The following PAK5 variants were observed in gnomAD, a reference collection of about 807,000 sequenced individuals.
The protein encoded by PAK5 is serine/threonine-protein kinase PAK 5.
PAK5 carries 16 observed loss-of-function variants against 65.9 expected under a neutral mutation model. The ratio of observed to expected loss-of-function variants is 0.24; its 90% confidence interval spans 0.16 to 0.37. The LOEUF is 0.37. Ranked by LOEUF, PAK5 falls within the 10% of genes least tolerant of loss-of-function variation. The pLI is 1.00. For missense variants in PAK5, 785 were observed against 903.9 expected (o/e 0.87, Z 1.69); for synonymous variants, 371 against 354.9 (o/e 1.05, Z -0.51).
rs367902677 is a variant in PAK5, at chr20:9,632,882, A to C, written c.204+11243T>G. ...ACAGTGATGTGGTGATTACAAGCCC[A>C]GGTCTTGGAGTCAGATAGGTATAAG... On this transcript the variant is annotated intron_variant, in intron 3 of 9. Transcript: ENST00000353224. 3.7e-4 allele frequency among the ~76,000 whole-genome samples: 56 copies of C among 152,358 alleles called. No individual in the cohort carries two copies. In the South Asian group the frequency reaches 0.012, roughly 32 times the overall value.
At chr20:9,547,636 G>A (rs147188572) in intron 7 of PAK5, among the ~76,000 whole-genome samples, 11 of 152,298 alleles carry the variant, frequency 7.2e-5, no homozygotes, top group Non-Finnish European at 1.5e-4. Flanking sequence ...AGTTCCCAGA[G>A]TGGTAGATGT....
intron 4 of PAK5, chr20:9,577,542 C>T (rs2045907580): frequency 6.6e-6 from 1 of 152,274 alleles, no homozygotes; most frequent in Non-Finnish European, 1.5e-5. Context: ...AAGGCCGACT[C>T]ATCTGAGTCG....
intron 3 of PAK5, among the ~76,000 whole-genome samples, chr20:9,625,024 T>C (rs2046823666): frequency 6.6e-6 from 1 of 152,144 alleles, no homozygotes; most frequent in South Asian, 2.1e-4. Flanking sequence ...CAAGTAGCCA[T>C]TCATGAAGGT....
chr20:9,801,921 A>T (rs535098917), intron 1 of PAK5, among the ~76,000 whole-genome samples: 1 of 152,160 alleles, frequency 6.6e-6, no homozygotes, highest in Non-Finnish European at 1.5e-5. Flanking sequence ...AGTGAGAGAC[A>T]TGGGGACTAA....
chr20:9,645,194 A>T (rs1399087197), intron 2 of PAK5, among the ~76,000 whole-genome samples: 1 of 151,792 alleles, frequency 6.6e-6, no homozygotes, highest in East Asian at 1.9e-4. Context: ...AGGGAGGAAG[A>T]CTCACTTTTC....
intron 1 of PAK5, among the ~76,000 whole-genome samples, chr20:9,803,991 C>T (rs1240077689): frequency 6.6e-6 from 1 of 152,148 alleles, no homozygotes; most frequent in Admixed American, 6.5e-5. Flanking sequence ...CTAGTGATTC[C>T]TCCAGAGGCC....
At chr20:9,547,877 A>T (rs2045368479) in intron 7 of PAK5, among the ~76,000 whole-genome samples, 1 of 152,202 alleles carries the variant, frequency 6.6e-6, no homozygotes, top group Non-Finnish European at 1.5e-5. Context: ...TGGTATACAC[A>T]TTATAGCTTG....
Position 9,580,576 on chromosome 20 carries a change from G to T in PAK5, c.559C>A (p.Pro187Thr), listed in dbSNP as rs34280805. 2.5e-6 allele frequency: 4 copies of T among 1,614,032 alleles called. No homozygotes were observed. Among genetic ancestry groups the T allele is most frequent in the Middle Eastern group, 3.3e-4 (2 of 6,062 alleles). ...HGEAYYSEVK[P>T]LKSDFARFSA... is the part of the protein sequence containing the mutation. ...AATCTGGCAAAATCGGATTTCAAAG[G>T]CTTCACCTCAGAATAGTAGGCCTCC... The change falls in exon 4 of 10, where the codon CCT becomes ACT. Residue 187 changes from proline to threonine, a missense_variant. Physicochemically the swap from Pro to Thr is conservative, Grantham distance 38. Transcript: ENST00000353224.
At chr20:9,824,036 T>C (rs2049456174) in intron 1 of PAK5, among the ~76,000 whole-genome samples, 1 of 152,208 alleles carries the variant, frequency 6.6e-6, no homozygotes, top group African/African-American at 2.4e-5. Context: ...TTACAAAACA[T>C]ATAACACAAT....
chr20:9,609,507 C>T (rs1044032413), intron 3 of PAK5, among the ~76,000 whole-genome samples: 1 of 152,206 alleles, frequency 6.6e-6, no homozygotes, highest in Non-Finnish European at 1.5e-5. Context: ...CAAACTCTTC[C>T]TTTCCTTCTG....
At chr20:9,785,134 C>G (rs777522380) in intron 1 of PAK5, among the ~76,000 whole-genome samples, 6 of 151,996 alleles carry the variant, frequency 3.9e-5, no homozygotes, top group Non-Finnish European at 8.8e-5. Flanking sequence ...GGCTATTTTT[C>G]TGGTCTATAG....
At chr20:9,778,132 G>A (rs1474129238) in intron 1 of PAK5, among the ~76,000 whole-genome samples, 1 of 152,084 alleles carries the variant, frequency 6.6e-6, no homozygotes, top group Non-Finnish European at 1.5e-5. Flanking sequence ...ATTGATTTGG[G>A]TCTTGAGTCT....
chr20:9,714,710 G>A (rs2048121255), intron 1 of PAK5, among the ~76,000 whole-genome samples: 1 of 152,044 alleles, frequency 6.6e-6, no homozygotes. Context: ...TAGACCAATG[G>A]AACAGAACAG....
intron 1 of PAK5, among the ~76,000 whole-genome samples, chr20:9,826,000 A>T (rs1350896932): frequency 6.6e-6 from 1 of 152,200 alleles, no homozygotes; most frequent in Non-Finnish European, 1.5e-5. Context: ...AAATGGCCTG[A>T]TTACAGGCAG....
At chr20:9,591,055 A>G (rs553268234) in intron 3 of PAK5, among the ~76,000 whole-genome samples, 2 of 152,318 alleles carry the variant, frequency 1.3e-5, no homozygotes, top group Admixed American at 1.3e-4. Flanking sequence ...TTGGTTTAAT[A>G]AGAGTTTCTA....
chr20:9,776,591 T>G (rs897148037), intron 1 of PAK5, among the ~76,000 whole-genome samples: 1 of 152,200 alleles, frequency 6.6e-6, no homozygotes, highest in African/African-American at 2.4e-5. Flanking sequence ...GTCTAACACA[T>G]GTGACTTTCT....
chr20:9,669,432 C>T (rs560128695), intron 2 of PAK5, among the ~76,000 whole-genome samples: 1 of 152,152 alleles, frequency 6.6e-6, no homozygotes, highest in African/African-American at 2.4e-5. Flanking sequence ...TTCACATATG[C>T]CTTTTCTTCT....
intron 4 of PAK5, among the ~76,000 whole-genome samples, chr20:9,579,156 G>T (rs578196935): frequency 6.6e-6 from 1 of 152,290 alleles, no homozygotes; most frequent in East Asian, 1.9e-4. Context: ...TTTCTGTGCT[G>T]CTCACCAAAC....
chr20:9,709,017 T>C (rs2048044835), intron 2 of PAK5, among the ~76,000 whole-genome samples: 1 of 152,182 alleles, frequency 6.6e-6, no homozygotes, highest in Non-Finnish European at 1.5e-5. Context: ...TGTTTCACTC[T>C]GCTTCTGGGG....
Sources: allele counts gnomAD v4.1 joint callset (sites outside exome capture counted in the v4.1 genomes callset), GRCh38; gene constraint gnomAD v4.1.1; transcripts MANE v1.5; gene names NCBI Gene and HGNC (gene_info 2026-07-23, HGNC 2026-07-21).